Variants in CTIF observed in about 807,000 individuals in gnomAD.
CTIF encodes CBP80/20-dependent translation initiation factor.
In CTIF, 21 loss-of-function variants were observed where a neutral mutation model predicts 66.0. The ratio of observed to expected loss-of-function variants is 0.32; its 90% CI spans 0.23 to 0.46. CTIF has a LOEUF of 0.46. Ranked by LOEUF, CTIF falls within the 20% of genes least tolerant of loss-of-function variation. The pLI, the probability that CTIF is intolerant of heterozygous loss-of-function variation, is 1.00. For synonymous variants in CTIF, 345 were observed against 326.4 expected, an observed-to-expected ratio of 1.06 and a Z score of -0.62; for missense variants, 739 against 812.7, an observed-to-expected ratio of 0.91 and a Z score of 1.10.
chr18:48,611,876 A>T (rs2090313974), intron 1 of CTIF, among the ~76,000 whole-genome samples: 1 of 152,150 alleles, frequency 6.6e-6, no homozygotes, highest in Admixed American at 6.5e-5. Flanking sequence ...AATTGCTGAG[A>T]CCTGCAGTTT....
intron 6 of CTIF, among the ~76,000 whole-genome samples, chr18:48,679,985 TG>T (rs1346059510): frequency 1.3e-5 from 2 of 151,924 alleles, no homozygotes; most frequent in African/African-American, 4.8e-5. Flanking sequence ...GGAGAGCAGT[TG>T]GGGGTGGCCC....
At chr18:48,610,468 C>A (rs759912359) in intron 1 of CTIF, among the ~76,000 whole-genome samples, 1 of 152,236 alleles carries the variant, frequency 6.6e-6, no homozygotes, top group South Asian at 2.1e-4. Context: ...CCTACCTGCC[C>A]GGGTGGGTTG....
intron 7 of CTIF, among the ~76,000 whole-genome samples, chr18:48,725,406 C>A (rs1233239139): frequency 2.0e-5 from 3 of 152,114 alleles, no homozygotes; most frequent in Non-Finnish European, 4.4e-5. Flanking sequence ...ATTCCTGTCC[C>A]AACGCCCCTC....
chr18:48,660,941 G>A (rs2091332530), intron 3 of CTIF, among the ~76,000 whole-genome samples: 1 of 152,142 alleles, frequency 6.6e-6, no homozygotes, highest in African/African-American at 2.4e-5. Context: ...CTCTCTAAGG[G>A]CCTTACGGGC....
chr18:48,704,255 G>T (rs2092122786), intron 6 of CTIF, among the ~76,000 whole-genome samples: 1 of 152,128 alleles, frequency 6.6e-6, no homozygotes, highest in African/African-American at 2.4e-5. Context: ...CTGCTAACTG[G>T]TTGGGCCTCT....
intron 10 of CTIF, among the ~76,000 whole-genome samples, chr18:48,831,480 C>T (rs1016323400): frequency 1.3e-5 from 2 of 152,240 alleles, no homozygotes; most frequent in Admixed American, 6.5e-5. Flanking sequence ...CTCAGCAGGG[C>T]CCTCCTCACT....
chr18:48,757,770 T>C, intron 7 of CTIF, 149 bp from the exon 8 acceptor site: 2 of 1,092,918 alleles, frequency 1.8e-6, no homozygotes, highest in Non-Finnish European at 2.6e-6. Flanking sequence ...TGTCACAGAC[T>C]CTGGCACGTA....
chr18:48,597,240 A>G (rs1223613403), intron 1 of CTIF, among the ~76,000 whole-genome samples: 1 of 152,222 alleles, frequency 6.6e-6, no homozygotes, highest in African/African-American at 2.4e-5. Context: ...ACATAGAGTT[A>G]AGGGAACCAC....
intron 3 of CTIF, among the ~76,000 whole-genome samples, 168 bp from the exon 4 acceptor site, chr18:48,663,584 G>T (rs943701580): frequency 3.3e-5 from 5 of 152,040 alleles, no homozygotes. Context: ...ATGCCTGGGG[G>T]GAGGCCAGGA....
intron 9 of CTIF, among the ~76,000 whole-genome samples, chr18:48,775,352 T>C (rs1242371921): frequency 1.3e-5 from 2 of 152,274 alleles, no homozygotes; most frequent in Non-Finnish European, 2.9e-5. Context: ...CAGCATGTTT[T>C]TCCTTTTCCT....
intron 10 of CTIF, among the ~76,000 whole-genome samples, chr18:48,830,814 C>G (rs2068676507): frequency 6.6e-6 from 1 of 151,424 alleles, no homozygotes; most frequent in Non-Finnish European, 1.5e-5. Context: ...CTACTAGTGC[C>G]TGGCTTGGAG....
chr18:48,658,287 CT>C (rs1333013145), intron 3 of CTIF, among the ~76,000 whole-genome samples: 2 of 151,656 alleles, frequency 1.3e-5, no homozygotes, highest in Admixed American at 6.6e-5. Context: ...TGTGTGTGGT[CT>C]ACATGCATGT....
chr18:48,684,863 C>T (rs2145191937), intron 6 of CTIF, among the ~76,000 whole-genome samples: 1 of 152,314 alleles, frequency 6.6e-6, no homozygotes, highest in East Asian at 1.9e-4. Context: ...GCATGTTTTC[C>T]TAAAAGCATG....
chr18:48,764,792 T>C (rs1455274050), intron 9 of CTIF, among the ~76,000 whole-genome samples: 1 of 152,236 alleles, frequency 6.6e-6, no homozygotes, highest in Non-Finnish European at 1.5e-5. Flanking sequence ...CCAGCTTTCA[T>C]GTGAGCCGAG....
At chr18:48,627,158 CATT>C (rs1439925691) in intron 2 of CTIF, among the ~76,000 whole-genome samples, 1 of 152,176 alleles carries the variant, frequency 6.6e-6, no homozygotes, top group Non-Finnish European at 1.5e-5. Flanking sequence ...ATCTCCTAGA[CATT>C]GTTTGGTGGT....
chr18:48,574,742 A>G (rs1568042083), intron 1 of CTIF, among the ~76,000 whole-genome samples: 1 of 151,828 alleles, frequency 6.6e-6, no homozygotes, highest in Admixed American at 6.6e-5. Flanking sequence ...AAGTGTGGCG[A>G]CTATCTCGTC....
chr18:48,706,548 T>A (rs1016998931), intron 6 of CTIF, among the ~76,000 whole-genome samples: 3 of 152,112 alleles, frequency 2.0e-5, no homozygotes, highest in African/African-American at 7.2e-5. Context: ...GGCCTCGCAC[T>A]CTCTGCCTAG....
At chr18:48,797,151 C>T (rs1005674398) in intron 9 of CTIF, among the ~76,000 whole-genome samples, 30 of 152,170 alleles carry the variant, frequency 2.0e-4, no homozygotes, top group African/African-American at 6.8e-4. Flanking sequence ...TTTCTCCCTT[C>T]AAATCCAACT....
chr18:48,609,730 C>T (rs1174961133), intron 1 of CTIF, among the ~76,000 whole-genome samples: 2 of 152,214 alleles, frequency 1.3e-5, no homozygotes, highest in Non-Finnish European at 2.9e-5. Flanking sequence ...TCTGGTGGCC[C>T]TGCACAGTTT....
Sources: allele counts gnomAD v4.1 joint callset (sites outside exome capture counted in the v4.1 genomes callset), GRCh38; gene constraint gnomAD v4.1.1; transcripts MANE v1.5; gene names NCBI Gene and HGNC (gene_info 2026-07-23, HGNC 2026-07-21).